The following KIF18A variants were observed in gnomAD, a reference collection of about 807,000 sequenced individuals.
The protein encoded by KIF18A is kinesin family member 18A, also known as kinesin-like protein KIF18A.
KIF18A carries 67 observed loss-of-function variants against 103.3 expected under a neutral mutation model. The ratio of observed to expected loss-of-function variants is 0.65; its 90% CI spans 0.53 to 0.79. The LOEUF is 0.79. Ranked by LOEUF, KIF18A falls within the 30% of genes least tolerant of loss-of-function variation. KIF18A has a pLI of 0.00. For missense variants in KIF18A, 1,032 were observed against 1,062.5 expected, an observed-to-expected ratio of 0.97 and a Z score of 0.40; for synonymous variants, 367 against 355.5, an observed-to-expected ratio of 1.03 and a Z score of -0.36.
At chr11:28,086,034 G>A (rs1358417958) in intron 6 of KIF18A, among the ~76,000 whole-genome samples, 1 of 151,888 alleles carries the variant, frequency 6.6e-6, no homozygotes, top group Non-Finnish European at 1.5e-5. Flanking sequence ...CATTAATATT[G>A]GTTCATTAGT....
intron 13 of KIF18A, among the ~76,000 whole-genome samples, chr11:28,046,545 G>C (rs7926103): frequency 7.7e-6 from 1 of 130,588 alleles, no homozygotes; most frequent in Non-Finnish European, 1.6e-5. Flanking sequence ...GGGGACTGTT[G>C]TGGGGTAGGG....
At chr11:28,032,364 C>G in intron 15 of KIF18A, among the ~76,000 whole-genome samples, 1 of 151,802 alleles carries the variant, frequency 6.6e-6, no homozygotes, top group East Asian at 1.9e-4. Context: ...ATAGAAAAAA[C>G]AATCCTAAAA....
intron 13 of KIF18A, among the ~76,000 whole-genome samples, chr11:28,051,002 CA>C (rs1850704934): frequency 6.6e-6 from 1 of 151,684 alleles, no homozygotes; most frequent in Non-Finnish European, 1.5e-5. Context: ...CACAAAAATA[CA>C]AAATATTGTA....
At chr11:28,054,463 G>A (rs945914368) in intron 13 of KIF18A, among the ~76,000 whole-genome samples, 1 of 152,198 alleles carries the variant, frequency 6.6e-6, no homozygotes, top group African/African-American at 2.4e-5. Flanking sequence ...GCCTGCGTCA[G>A]TCTCCCAAAA....
chr11:28,075,973 G>C (rs1851086218), intron 10 of KIF18A, among the ~76,000 whole-genome samples: 1 of 151,884 alleles, frequency 6.6e-6, no homozygotes, highest in Non-Finnish European at 1.5e-5. Flanking sequence ...TGGTTACTTG[G>C]GGTAAGAAAA....
Position 28,082,700 on chromosome 11 carries a change from T to TTATG in KIF18A, c.1262+152_1262+155dup, listed in dbSNP as rs971499954. 2.8e-4 allele frequency among the ~76,000 whole-genome samples: 43 copies of TTATG among 152,054 alleles called. No individual in the cohort carries two copies. In the East Asian group the frequency reaches 2.9e-3, roughly 10 times the overall value. Reference sequence around the variant, plus strand: ...CTGCAATATCTCTGAGTCAAGCCTGTTATGTATGTATGTATGTATGTGTGT... The same window carrying TTATG: ...CTGCAATATCTCTGAGTCAAGCCTGTTATGTATGTATGTATGTATGTATGTGTGT... On this transcript the variant is annotated intron_variant, in intron 9 of 16. Coordinates refer to ENST00000263181, the MANE Select transcript of KIF18A (RefSeq NM_031217.4).
Position 28,058,816 on chromosome 11 carries a change from T to A in KIF18A, c.1948+110A>T, listed in dbSNP as rs762330143. On this transcript the variant is annotated intron_variant, in intron 13 of 16. Transcript: ENST00000263181. ...ACTATAAAGCTAATTTTCCCATTAA[T>A]TTTCATAAAATAGACAAACCTATTA... 5.9e-5 allele frequency: 48 copies of A among 811,886 alleles called. 1 individual carries two copies. The South Asian group carries it at 8.2e-4, about 14-fold the overall frequency. The allele number at this position is 811,886 out of a possible 1,614,324, so 50.3% of individuals were successfully genotyped here.
chr11:28,076,440 G>T (rs1014165034), intron 10 of KIF18A: 1 of 152,252 alleles, frequency 6.6e-6, no homozygotes, highest in African/African-American at 2.4e-5. Flanking sequence ...AAAATGCCCA[G>T]AAAAACAACA....
intron 13 of KIF18A, among the ~76,000 whole-genome samples, chr11:28,050,190 C>A (rs2133513808): frequency 6.6e-6 from 1 of 151,804 alleles, no homozygotes; most frequent in East Asian, 1.9e-4. Context: ...TTTACACTTA[C>A]CAAAGATGGA....
intron 11 of KIF18A, among the ~76,000 whole-genome samples, chr11:28,066,358 C>T (rs1005187989): frequency 6.6e-6 from 1 of 151,892 alleles, no homozygotes; most frequent in Non-Finnish European, 1.5e-5. Context: ...GTGATTTTAT[C>T]AACAACATAA....
intron 5 of KIF18A, among the ~76,000 whole-genome samples, chr11:28,089,749 T>G (rs1851277941): frequency 6.6e-6 from 1 of 152,204 alleles, no homozygotes; most frequent in Non-Finnish European, 1.5e-5. Flanking sequence ...TATTCAAATA[T>G]TTTAAGCTAC....
At chr11:28,067,780 C>A (rs533637540) in intron 11 of KIF18A, among the ~76,000 whole-genome samples, 3 of 152,060 alleles carry the variant, frequency 2.0e-5, no homozygotes, top group Non-Finnish European at 4.4e-5. Context: ...TAGAAAAAGA[C>A]TGAAAAGAAG....
intron 5 of KIF18A, among the ~76,000 whole-genome samples, chr11:28,089,033 A>C (rs1330034531): frequency 6.6e-6 from 1 of 152,212 alleles, no homozygotes; most frequent in East Asian, 1.9e-4. Flanking sequence ...TGATGGTTAG[A>C]AACACAGGTC....
At chr11:28,107,345 C>T (rs1851537948) in intron 1 of KIF18A, among the ~76,000 whole-genome samples, 1 of 151,668 alleles carries the variant, frequency 6.6e-6, no homozygotes, top group Non-Finnish European at 1.5e-5. Context: ...TCAGTCTTGG[C>T]TTCTCTGTAA....
At chr11:28,057,496 C>T (rs10742187) in intron 13 of KIF18A, among the ~76,000 whole-genome samples, 151,498 of 152,066 alleles carry the variant, frequency 1, 75,472 homozygotes, top group Non-Finnish European at 1. Flanking sequence ...GCCTGGGTGA[C>T]AGAGCGAGAC....
At chr11:28,098,500 G>A (rs990182459) in intron 1 of KIF18A, among the ~76,000 whole-genome samples, 8 of 152,280 alleles carry the variant, frequency 5.3e-5, no homozygotes, top group Admixed American at 2.0e-4. Flanking sequence ...CCCCTTGGCC[G>A]TGGAAAGTGA....
At position 28,022,555 on chromosome 11, in the gene KIF18A, C is replaced by T. The variant is rs1212166991; in HGVS notation, c.2614+1186G>A. 6.6e-5 allele frequency among the ~76,000 whole-genome samples: 10 copies of T among 152,304 alleles called. No homozygotes were observed. In the East Asian group the frequency reaches 1.9e-3, roughly 29 times the overall value. The stretch of plus-strand genomic sequence containing the variant: ...GTGCTGGGATTACAGGCGTGAGCCA[C>T]GGCGCCCGGCCAATTTGAGAGTTTT... On this transcript the variant is annotated intron_variant, in intron 16 of 16. Transcript: ENST00000263181.
At chr11:28,071,077 A>T (rs1851007248) in intron 10 of KIF18A, among the ~76,000 whole-genome samples, 1 of 152,134 alleles carries the variant, frequency 6.6e-6, no homozygotes, top group Admixed American at 6.5e-5. Flanking sequence ...AGCAAAAACT[A>T]AAAAAAGAAT....
Position 28,069,367 on chromosome 11 carries a change from C to T in KIF18A, c.1482G>A (p.Leu494=), listed in dbSNP as rs887329937. 6 of 1,613,476 alleles carry T rather than the reference C, an allele frequency of 3.7e-6. No homozygotes were observed. Among genetic ancestry groups the T allele is most frequent in the Admixed American group, 3.3e-5 (2 of 59,934 alleles). The part of the protein sequence containing the change: ...LAMLKTRRSY[L]EKRREEELKQ... ...TCAATTCCTCCTCCCTCCTTTTCTCCAGGTAGGAGCGACGAGTTTTCAACA... is the reference window on the plus strand; with the variant it reads ...TCAATTCCTCCTCCCTCCTTTTCTCTAGGTAGGAGCGACGAGTTTTCAACA... Residue 494 remains leucine (L), a synonymous_variant, in exon 11 of 17, where the codon CTG becomes CTA. Coordinates refer to ENST00000263181, the MANE Select transcript of KIF18A (RefSeq NM_031217.4).
Sources: gnomAD v4.1 joint callset for allele counts (sites outside exome capture counted in the v4.1 genomes callset) on GRCh38, gnomAD v4.1.1 for gene constraint, MANE v1.5 for transcripts, NCBI Gene and HGNC (gene_info 2026-07-23, HGNC 2026-07-21) for gene names.